The following DCAF5 variants were observed in gnomAD, a reference collection of about 807,000 sequenced individuals.
The protein encoded by DCAF5 is DDB1 and CUL4 associated factor 5.
In DCAF5, 9 loss-of-function variants were observed where a neutral mutation model predicts 80.7. That is an observed-to-expected ratio of 0.11 (90% CI 0.07 to 0.19). The LOEUF (loss-of-function observed/expected upper bound fraction) is 0.19. Ranked by LOEUF, DCAF5 falls within the 10% of genes least tolerant of loss-of-function variation. DCAF5 has a pLI of 1.00. For missense variants in DCAF5, 842 were observed against 1,205.7 expected (o/e 0.70, Z 4.47); for synonymous variants, 433 against 461.9 (o/e 0.94, Z 0.80).
In DCAF5 at chr14:69,073,882, G is replaced by A. The variant is rs115928859; in HGVS notation, c.946+1463C>T. The stretch of plus-strand genomic sequence containing the variant: ...CAAAGATTACTTCTCAACGAATCAA[G>A]CTAGGAATTACAGGGGTGGGAGACT... On this transcript the variant is annotated intron_variant, in intron 7 of 8. Transcript: ENST00000341516. Among the ~76,000 whole-genome samples the A allele has an allele frequency of 4.5e-3, 684 of 152,312 alleles. 9 individuals are homozygous for A. The highest frequency in any genetic ancestry group is 0.015 in the African/African-American group (642 of 41,568).
chr14:69,093,851 G>A (rs1213792292), intron 5 of DCAF5, among the ~76,000 whole-genome samples: 2 of 152,296 alleles, frequency 1.3e-5, no homozygotes, highest in East Asian at 3.9e-4. Context: ...TCAAGGAGGG[G>A]CCTGGTATCC....
chr14:69,133,476 G>T (rs888346309), intron 1 of DCAF5, among the ~76,000 whole-genome samples: 1 of 152,168 alleles, frequency 6.6e-6, no homozygotes, highest in East Asian at 1.9e-4. Flanking sequence ...ATAAGTTAAG[G>T]TTGAGTGATT....
At chr14:69,072,928 G>A (rs2038754373) in intron 7 of DCAF5, among the ~76,000 whole-genome samples, 1 of 152,166 alleles carries the variant, frequency 6.6e-6, no homozygotes, top group Non-Finnish European at 1.5e-5. Context: ...GTAAAGGATG[G>A]GGATGCAGAA....
At chr14:69,082,041 C>T (rs1158276969) in intron 6 of DCAF5, among the ~76,000 whole-genome samples, 2 of 152,200 alleles carry the variant, frequency 1.3e-5, no homozygotes, top group African/African-American at 2.4e-5. Context: ...TTAAATCAAA[C>T]ACAGCTCTTA....
intron 5 of DCAF5, among the ~76,000 whole-genome samples, chr14:69,112,544 A>G (rs1275674072): frequency 5.3e-5 from 8 of 151,602 alleles, no homozygotes; most frequent in Non-Finnish European, 1.5e-5. Context: ...AAAAATAAAA[A>G]CTAAAAAAAA....
chr14:69,079,593 T>C (rs900992443), intron 6 of DCAF5, among the ~76,000 whole-genome samples: 1 of 152,176 alleles, frequency 6.6e-6, no homozygotes, highest in African/African-American at 2.4e-5. Flanking sequence ...GCATTAAAAG[T>C]TGGCTGCCTG....
At position 69,152,559 on chromosome 14, in the gene DCAF5, T is replaced by G; in HGVS notation, c.214+206A>C. The G allele has an allele frequency of 3.9e-5, 22 of 564,476 alleles. No individual in the cohort carries two copies. The highest frequency in any genetic ancestry group is 1.2e-4 in the East Asian group (4 of 32,770). 35.0% of individuals were successfully genotyped at this position (564,476 alleles called of 1,614,324 possible). On this transcript the variant is annotated intron_variant, in intron 1 of 8. Coordinates refer to ENST00000341516, the MANE Select transcript of DCAF5 (RefSeq NM_003861.3). This position sits in a 1 kb window ranked among gnomAD's most constrained non-coding sequence, Gnocchi z 4.1. ...AAGCGAATTAAGGAGCTGTCAACCA[T>G]TTTAGGTCTTTTTTATAGAAGACAT... is the stretch of plus-strand genomic sequence containing the variant.
intron 2 of DCAF5, among the ~76,000 whole-genome samples, chr14:69,120,751 A>G (rs867759781): frequency 4.1e-4 from 62 of 152,202 alleles, no homozygotes; most frequent in African/African-American, 1.4e-3. Flanking sequence ...AATGCCTTCT[A>G]GGTATCAGGT....
chr14:69,078,046 A>T (rs981210952), intron 6 of DCAF5, among the ~76,000 whole-genome samples: 24 of 152,146 alleles, frequency 1.6e-4, no homozygotes, highest in African/African-American at 5.6e-4. Context: ...GCTGGATTAG[A>T]CCTGAAAAGT....
At chr14:69,128,399 T>C (rs1232047390) in intron 1 of DCAF5, among the ~76,000 whole-genome samples, 3 of 152,204 alleles carry the variant, frequency 2.0e-5, no homozygotes, top group African/African-American at 7.2e-5. Flanking sequence ...TTGCCCAGGC[T>C]GGTCTCCAAC....
rs1159269069 is a variant in DCAF5 at position 69,054,890 on chromosome 14, G to A, written c.1796C>T (p.Pro599Leu). ...GTTGGTGGGCTTGATTGGGGCACTG[G>A]GCTTGTCTTCTCGGGTTGTCTTCTG... ...RRQKTTREDK[P>L]SAPIKPTNTY... The change falls in exon 9 of 9, where the codon CCC becomes CTC. Residue 599 changes from proline to leucine, a missense_variant. Coordinates refer to ENST00000341516, the MANE Select transcript of DCAF5 (RefSeq NM_003861.3). The A allele has an allele frequency of 1.9e-6, 3 of 1,614,168 alleles. No homozygotes were observed. The South Asian group carries it at 3.3e-5, about 18-fold the overall frequency.
At chr14:69,077,196 C>T (rs1210283966) in intron 6 of DCAF5, among the ~76,000 whole-genome samples, 2 of 152,132 alleles carry the variant, frequency 1.3e-5, no homozygotes, top group Non-Finnish European at 2.9e-5. Context: ...GAAAGGCCTA[C>T]TGTTTTCCTT....
intron 5 of DCAF5, among the ~76,000 whole-genome samples, chr14:69,114,749 A>T (rs2040488021): frequency 6.6e-6 from 1 of 152,212 alleles, no homozygotes; most frequent in Non-Finnish European, 1.5e-5. Flanking sequence ...AATAATCATC[A>T]TCACTTTCAA....
chr14:69,119,374 A>G, intron 2 of DCAF5, 144 bp from the exon 3 acceptor site: 1 of 744,766 alleles, frequency 1.3e-6, no homozygotes, highest in Non-Finnish European at 2.1e-6. Flanking sequence ...TGGAAAAAAG[A>G]TTTATAGAAA....
intron 5 of DCAF5, among the ~76,000 whole-genome samples, chr14:69,107,061 A>AAAC (rs2040187412): frequency 1.6e-5 from 2 of 123,584 alleles, no homozygotes; most frequent in African/African-American, 5.6e-5. Context: ...ATAAATAATT[A>AAAC]AATAATTAAA....
rs540884800 is a variant in DCAF5, at chr14:69,055,715, T to C, written c.1075-104A>G. On this transcript the variant is annotated intron_variant, in intron 8 of 8. Coordinates refer to ENST00000341516, the MANE Select transcript of DCAF5 (RefSeq NM_003861.3). The surrounding 1 kb of genome is among the most constrained non-coding windows in gnomAD (Gnocchi z 5.6). ...AGGCAGAACTTCCCCAGACTCTCCC[T>C]GTAATTTAACTAGGACTTGCTAACC... 50 of 1,207,138 alleles carry C rather than the reference T, an allele frequency of 4.1e-5. No homozygotes were observed. In the East Asian group the frequency reaches 1.0e-3, roughly 25 times the overall value. The allele number at this position is 1,207,138 out of a possible 1,614,324, so 74.8% of individuals were successfully genotyped here. A position where few individuals can be genotyped will look rare whatever the true frequency, so the allele number is the denominator to read the frequency against.
chr14:69,055,631 C>T lies in DCAF5; in HGVS notation c.1075-20G>A, dbSNP rs1566717017. The T allele has an allele frequency of 6.3e-7, 1 of 1,575,300 alleles. No individual in the cohort carries two copies. The highest frequency in any genetic ancestry group is 1.8e-5 in the Admixed American group (1 of 56,486). ...CCAGATCTGAACAGAAAATGAAAAA[C>T]AAAAGCAACAAGGAGTAACTGGAAA... On this transcript the variant is annotated intron_variant, in intron 8 of 8. Transcript: ENST00000341516. The surrounding 1 kb of genome is among the most constrained non-coding windows in gnomAD (Gnocchi z 5.6).
Position 69,152,185 on chromosome 14 carries a change from G to A in DCAF5, c.214+580C>T, listed in dbSNP as rs1431571907. ...ATGGTGCTGGGCCTCTAAGAGCGCC[G>A]AGGGGGGCGGCCCACAGCGACCCTA... On this transcript the variant is annotated intron_variant, in intron 1 of 8. Transcript: ENST00000341516. The surrounding 1 kb of genome is among the most constrained non-coding windows in gnomAD (Gnocchi z 4.1). Among the ~76,000 whole-genome samples, 3 of 152,170 alleles carry A rather than the reference G, an allele frequency of 2.0e-5. No individual in the cohort carries two copies. Among genetic ancestry groups the A allele is most frequent in the Non-Finnish European group, 2.9e-5 (2 of 68,024 alleles).
intron 6 of DCAF5, chr14:69,091,023 G>C: frequency 1.4e-6 from 1 of 714,856 alleles, no homozygotes; most frequent in Non-Finnish European, 2.6e-6. Context: ...CTATGGTTAA[G>C]ACAGAAAGGT....
Sources: gnomAD v4.1 joint callset for allele counts (sites outside exome capture counted in the v4.1 genomes callset) on GRCh38, gnomAD v4.1.1 for gene constraint, Gnocchi (gnomAD v3.1) non-coding constraint, MANE v1.5 for transcripts, NCBI Gene and HGNC (gene_info 2026-07-23, HGNC 2026-07-21) for gene names.